Variants in TAF13 observed in about 807,000 individuals in gnomAD.
The protein encoded by TAF13 is TATA-box binding protein associated factor 13.
A neutral mutation model predicts 18.7 loss-of-function variants in TAF13; 9 were observed. That is an observed-to-expected ratio of 0.48 (90% CI 0.29 to 0.84). TAF13 has a LOEUF of 0.84. TAF13 is among the 40% of genes least tolerant of loss of function. TAF13 has a pLI of 0.08. For missense variants in TAF13, 105 were observed against 146.5 expected (o/e 0.72, Z 1.46); for synonymous variants, 49 against 44.1 (o/e 1.11, Z -0.44).
chr1:109,065,921 CAAA>C (rs35972596), intron 3 of TAF13, among the ~76,000 whole-genome samples: 1 of 86,550 alleles, frequency 1.2e-5, no homozygotes. Context: ...AACTCCATCT[CAAA>C]AAAAAAAAAA....
At chr1:109,073,935 G>A (rs927604348) in intron 2 of TAF13, among the ~76,000 whole-genome samples, 15 of 151,522 alleles carry the variant, frequency 9.9e-5, no homozygotes, top group East Asian at 1.9e-4. Flanking sequence ...ACCGCTGCCC[G>A]GCCGCCACCC....
chr1:109,064,833 T>C (rs1241257769), intron 3 of TAF13, 140 bp from the exon 4 acceptor site: 6 of 666,510 alleles, frequency 9.0e-6, no homozygotes, highest in Non-Finnish European at 1.3e-5. Flanking sequence ...GAATTATCTT[T>C]CTACTCATGT....
At chr1:109,064,826 TTATC>T (rs1663925144) in intron 3 of TAF13, 133 bp from the exon 4 acceptor site, 3 of 726,514 alleles carry the variant, frequency 4.1e-6, no homozygotes. Flanking sequence ...CATTTGTGAA[TTATC>T]TTTCTACTCA....
intron 2 of TAF13, 28 bp downstream of exon 2, chr1:109,074,959 A>T (rs960056032): frequency 1.9e-6 from 3 of 1,558,348 alleles, no homozygotes; most frequent in Non-Finnish European, 2.6e-6. Flanking sequence ...CATCATCTAT[A>T]ACAAAATCAT....
chr1:109,075,423 C>A (rs532287933), intron 1 of TAF13, among the ~76,000 whole-genome samples: 4 of 152,136 alleles, frequency 2.6e-5, no homozygotes, highest in Non-Finnish European at 2.9e-5. Flanking sequence ...GTAAGCAAAA[C>A]TAATATTTCC....
At chr1:109,073,707 G>A (rs1664121637) in intron 2 of TAF13, among the ~76,000 whole-genome samples, 1 of 152,130 alleles carries the variant, frequency 6.6e-6, no homozygotes, top group African/African-American at 2.4e-5. Context: ...CGTGATCTCG[G>A]CTCGCTACAA....
Position 109,072,093 on chromosome 1 carries a change from T to C in TAF13, c.106+2894A>G, listed in dbSNP as rs1392681650. On this transcript the variant is annotated intron_variant, in intron 2 of 3. Coordinates refer to ENST00000338366, the MANE Select transcript of TAF13 (RefSeq NM_005645.4). ...ATATATATACACACACATATATATATATATATATATATATATATATATACA... is the reference window on the plus strand; with the variant it reads ...ATATATATACACACACATATATATACATATATATATATATATATATATACA... Among the ~76,000 whole-genome samples the C allele has an allele frequency of 3.7e-4, 2 of 5,362 alleles. 1 individual carries two copies. Among genetic ancestry groups the C allele is most frequent in the African/African-American group, 1.1e-3 (2 of 1,882 alleles). The allele number at this position is 5,362 out of a possible 152,430, so 3.5% of individuals were successfully genotyped here. A position where few individuals can be genotyped will look rare whatever the true frequency, so the allele number is the denominator to read the frequency against.
intron 2 of TAF13, among the ~76,000 whole-genome samples, chr1:109,072,234 T>A (rs1664090893): frequency 6.6e-6 from 1 of 150,574 alleles, no homozygotes; most frequent in Non-Finnish European, 1.5e-5. Flanking sequence ...TGCGGCCTCA[T>A]CTCTCAATAC....
chr1:109,073,133 CT>C (rs1204617389), intron 2 of TAF13, among the ~76,000 whole-genome samples: 3 of 152,160 alleles, frequency 2.0e-5, no homozygotes, highest in Non-Finnish European at 4.4e-5. Context: ...CCATTATTAC[CT>C]GTGGCTTACA....
intron 2 of TAF13, 55 bp from the exon 3 acceptor site, chr1:109,066,287 T>C (rs1014336957): frequency 7.1e-7 from 1 of 1,409,938 alleles, no homozygotes. Flanking sequence ...AACAATTTGA[T>C]ACTTTAAAAA....
intron 2 of TAF13, among the ~76,000 whole-genome samples, chr1:109,066,646 G>C (rs1009726084): frequency 6.6e-6 from 1 of 152,176 alleles, no homozygotes; most frequent in Non-Finnish European, 1.5e-5. Flanking sequence ...AAAAACGGCA[G>C]ACTCTTTACT....
chr1:109,075,865 TACTGAGCCCGAAGG>T, intron 1 of TAF13, 42 bp downstream of exon 1: 1 of 1,611,966 alleles, frequency 6.2e-7, no homozygotes, highest in Non-Finnish European at 8.5e-7. Flanking sequence ...CTGCCTCCGC[TACTGAGCCCGAAGG>T]AGTGAAGAAA....
chr1:109,071,746 G>A (rs1024027669), intron 2 of TAF13, among the ~76,000 whole-genome samples: 8 of 151,708 alleles, frequency 5.3e-5, no homozygotes, highest in African/African-American at 1.7e-4. Context: ...GAGGTCAAGA[G>A]ATCAAGACCA....
rs368006912 is a variant in TAF13, at chr1:109,074,057, G to A, written c.106+930C>T. On this transcript the variant is annotated intron_variant, in intron 2 of 3. Transcript: ENST00000338366. ...AAGTAAGGAGCCCCTCTGCCCTGCC[G>A]CCACCCTGTCTGGGAGGTGTACCCA... Among the ~76,000 whole-genome samples, 88 of 152,330 alleles carry A rather than the reference G, an allele frequency of 5.8e-4. 1 individual carries two copies. The East Asian group carries it at 0.016, about 28-fold the overall frequency.
At chr1:109,069,072 A>G (rs907187129) in intron 2 of TAF13, among the ~76,000 whole-genome samples, 3 of 152,196 alleles carry the variant, frequency 2.0e-5, no homozygotes, top group Non-Finnish European at 2.9e-5. Flanking sequence ...TTATCTGTAC[A>G]TGGGCATTTT....
chr1:109,067,658 G>A (rs760671811), intron 2 of TAF13, among the ~76,000 whole-genome samples: 8 of 152,046 alleles, frequency 5.3e-5, no homozygotes, highest in Non-Finnish European at 5.9e-5. Context: ...AATAATAAGA[G>A]AGAAGTCTAA....
chr1:109,069,202 A>AGTGT lies in TAF13; in HGVS notation c.107-2974_107-2971dup, dbSNP rs59365913. 6.1e-3 allele frequency among the ~76,000 whole-genome samples: 922 copies of AGTGT among 150,310 alleles called. 4 individuals carry two copies. Among genetic ancestry groups the AGTGT allele is most frequent in the African/African-American group, 0.021 (859 of 40,816 alleles). On this transcript the variant is annotated intron_variant, in intron 2 of 3. Coordinates refer to ENST00000338366, the MANE Select transcript of TAF13 (RefSeq NM_005645.4). ...TCTTAGTAGTGATTACAAGTGTGTG[A>AGTGT]GTGTGTGTGTGTGTGTGTGCGCACA...
Position 109,075,062 on chromosome 1 carries a change from C to G in TAF13, c.31G>C (p.Glu11Gln). 1.9e-6 allele frequency: 3 copies of G among 1,605,608 alleles called. No individual in the cohort carries two copies. Among genetic ancestry groups the G allele is most frequent in the Non-Finnish European group, 1.7e-6 (2 of 1,177,034 alleles). ...CCTCCAATTTCTTCATTTTCTTCCTCAAACTAGAAGTTAAAATGTATATAT... is the reference window on the plus strand; with the variant it reads ...CCTCCAATTTCTTCATTTTCTTCCTGAAACTAGAAGTTAAAATGTATATAT... MADEEEDPTF[E>Q]EENEEIGGGA... The change falls in exon 2 of 4, where the codon GAG becomes CAG. Residue 11 changes from glutamate (E) to glutamine (Q), a missense_variant. Glu to Gln is a conservative substitution (Grantham distance 29). Coordinates refer to ENST00000338366, the MANE Select transcript of TAF13 (RefSeq NM_005645.4).
At chr1:109,070,231 A>G (rs1378735417) in intron 2 of TAF13, among the ~76,000 whole-genome samples, 1 of 150,938 alleles carries the variant, frequency 6.6e-6, no homozygotes, top group East Asian at 1.9e-4. Context: ...TTTTATTTTT[A>G]TTTTTTGAGA....
Sources: allele counts gnomAD v4.1 joint callset (sites outside exome capture counted in the v4.1 genomes callset), GRCh38; gene constraint gnomAD v4.1.1; transcripts MANE v1.5; gene names NCBI Gene and HGNC (gene_info 2026-07-23, HGNC 2026-07-21).